Variants in PTPN20 observed in about 807,000 individuals in gnomAD.
The protein encoded by PTPN20 is protein tyrosine phosphatase non-receptor type 20, also known as tyrosine-protein phosphatase non-receptor type 20.
PTPN20 carries 9 observed loss-of-function variants against 35.0 expected under a neutral mutation model. The ratio of observed to expected loss-of-function variants is 0.26; its 90% CI spans 0.15 to 0.45. The LOEUF (loss-of-function observed/expected upper bound fraction) is 0.45, where lower values mean the gene tolerates loss of function less well. PTPN20 is among the 20% of genes least tolerant of loss of function. PTPN20 has a pLI of 1.00. For missense variants in PTPN20, 111 were observed against 312.5 expected (o/e 0.36, Z 4.86); for synonymous variants, 32 against 100.2 (o/e 0.32, Z 4.06).
chr10:46,932,085 T>C (rs2039835307), intron 1 of PTPN20, among the ~76,000 whole-genome samples: 1 of 148,616 alleles, frequency 6.7e-6, no homozygotes, highest in Non-Finnish European at 1.5e-5. Flanking sequence ...TGTGTGTGTG[T>C]GTGTGTGTTT....
rs1440743000 is a variant in PTPN20, at chr10:46,937,266, C to G, written c.35-3357C>G. On this transcript the variant is annotated intron_variant, in intron 2 of 10. Coordinates refer to ENST00000374339, the MANE Select transcript of PTPN20 (RefSeq NM_001042357.5). Reference sequence around the variant, plus strand: ...CTGATGAGAAATCCATCATTCTTATCTTTGTTTTTCTATATTTAATGTGTC... The same window carrying G: ...CTGATGAGAAATCCATCATTCTTATGTTTGTTTTTCTATATTTAATGTGTC... 5.5e-4 allele frequency among the ~76,000 whole-genome samples: 80 copies of G among 146,498 alleles called. 1 individual carries two copies. Among genetic ancestry groups the G allele is most frequent in the Non-Finnish European group, 1.0e-3 (67 of 67,198 alleles).
intron 9 of PTPN20, among the ~76,000 whole-genome samples, chr10:46,994,264 A>G (rs1317762489): frequency 9.5e-6 from 1 of 105,386 alleles, no homozygotes; most frequent in Non-Finnish European, 2.0e-5. Context: ...GAGTTTTATT[A>G]TTTTATGCTT....
chr10:46,998,499 G>A (rs1351011595), intron 9 of PTPN20, among the ~76,000 whole-genome samples: 2 of 152,206 alleles, frequency 1.3e-5, no homozygotes, highest in African/African-American at 4.8e-5. Context: ...GGGTGGATGA[G>A]TGTGACTCTA....
downstream of PTPN20, among the ~76,000 whole-genome samples, chr10:47,003,547 A>C (rs940314748): frequency 7.1e-6 from 1 of 140,108 alleles, no homozygotes; most frequent in African/African-American, 2.5e-5. Context: ...ATCTTTCTCT[A>C]TATCTATTAG....
intron 5 of PTPN20, among the ~76,000 whole-genome samples, chr10:46,947,165 A>G (rs1183617543): frequency 2.1e-5 from 3 of 145,046 alleles, no homozygotes; most frequent in African/African-American, 7.5e-5. Context: ...TATATAATAT[A>G]AATGTAATTA....
At position 46,948,805 on chromosome 10, in the gene PTPN20, C is replaced by A. The variant is rs2045786071; in HGVS notation, c.340+2130C>A. On this transcript the variant is annotated intron_variant, in intron 5 of 10. Transcript: ENST00000374339. ...TTTGTTGTCCTATTCCATTCTCAGC[C>A]TTGGGCAGGTCCTCTGTCCCTGGTC... Among the ~76,000 whole-genome samples the A allele has an allele frequency of 2.0e-5, 3 of 149,696 alleles. No individual in the cohort carries two copies. The East Asian group carries it at 6.1e-4, about 30-fold the overall frequency.
intron 9 of PTPN20, among the ~76,000 whole-genome samples, chr10:46,995,867 T>C (rs1555180819): frequency 6.6e-6 from 1 of 152,162 alleles, no homozygotes; most frequent in Non-Finnish European, 1.5e-5. Flanking sequence ...CCCAATTCTC[T>C]TACTGCCTAC....
chr10:46,937,924 T>C (rs1319569102), intron 2 of PTPN20, among the ~76,000 whole-genome samples: 1 of 141,010 alleles, frequency 7.1e-6, no homozygotes, highest in Non-Finnish European at 1.5e-5. Flanking sequence ...TTCTTTTCTT[T>C]TTTTCTTCTT....
At chr10:46,955,348 A>G (rs1228983679) in intron 5 of PTPN20, 1 of 148,636 alleles carries the variant, frequency 6.7e-6, no homozygotes, top group Non-Finnish European at 1.5e-5. Context: ...TATGAAGTAT[A>G]AAATCATCAT....
At chr10:46,953,247 T>A (rs2047241217) in intron 5 of PTPN20, among the ~76,000 whole-genome samples, 1 of 145,332 alleles carries the variant, frequency 6.9e-6, no homozygotes, top group South Asian at 2.1e-4. Flanking sequence ...TAAATATATT[T>A]TTTGGAATTT....
intron 5 of PTPN20, among the ~76,000 whole-genome samples, chr10:46,964,488 T>C (rs1555158884): frequency 7.8e-6 from 1 of 129,006 alleles, no homozygotes; most frequent in Non-Finnish European, 1.7e-5. Context: ...TTATATTGCA[T>C]AGATCCTCTC....
chr10:46,937,705 A>G (rs1231267513), intron 2 of PTPN20, among the ~76,000 whole-genome samples: 6 of 151,856 alleles, frequency 4.0e-5, no homozygotes, highest in Non-Finnish European at 7.4e-5. Context: ...TTATTGTATC[A>G]TGTTTTTCTT....
chr10:46,982,496 T>C (rs2055722142), intron 7 of PTPN20, among the ~76,000 whole-genome samples: 2 of 152,014 alleles, frequency 1.3e-5, no homozygotes, highest in Admixed American at 1.3e-4. Flanking sequence ...TTAATCATTA[T>C]TGTAGGTTTT....
At chr10:46,952,988 T>G (rs1221172436) in intron 5 of PTPN20, among the ~76,000 whole-genome samples, 1 of 146,208 alleles carries the variant, frequency 6.8e-6, no homozygotes, top group Non-Finnish European at 1.5e-5. Context: ...TTCCTCACTC[T>G]GTTTAGGTCT....
chr10:46,938,203 C>T (rs1328564992), intron 2 of PTPN20, among the ~76,000 whole-genome samples: 53 of 147,388 alleles, frequency 3.6e-4, no homozygotes, highest in Non-Finnish European at 6.1e-4. Flanking sequence ...CCCTCTTCAG[C>T]CTCCCAAAGT....
At chr10:46,993,920 A>G (rs909800211) in intron 9 of PTPN20, among the ~76,000 whole-genome samples, 46 of 152,210 alleles carry the variant, frequency 3.0e-4, no homozygotes, top group Admixed American at 2.7e-3. Context: ...TTGAATGTGT[A>G]TGTGGTTTTT....
chr10:46,938,161 G>A (rs2042360496), intron 2 of PTPN20, among the ~76,000 whole-genome samples: 1 of 150,420 alleles, frequency 6.6e-6, no homozygotes, highest in South Asian at 2.1e-4. Flanking sequence ...ATGTTTGTCA[G>A]GCTGATCTCG....
At chr10:46,968,534 G>T (rs2051380026) in intron 7 of PTPN20, among the ~76,000 whole-genome samples, 1 of 152,186 alleles carries the variant, frequency 6.6e-6, no homozygotes, top group Admixed American at 6.5e-5. Context: ...TCCCTGTGTT[G>T]GATGGGAGGG....
In PTPN20 at chr10:47,001,061, T is replaced by C. The variant is rs984332934; in HGVS notation, c.*320T>C. ...AGCCCAATAAAGGATTTAAAATATATTCATTAAGATTTTATTTGGAAAGGT... is the reference window on the plus strand; with the variant it reads ...AGCCCAATAAAGGATTTAAAATATACTCATTAAGATTTTATTTGGAAAGGT... On this transcript the variant is annotated 3_prime_UTR_variant, in exon 11 of 11. Coordinates refer to ENST00000374339, the MANE Select transcript of PTPN20 (RefSeq NM_001042357.5). 1.7e-5 allele frequency: 6 copies of C among 353,826 alleles called. No individual in the cohort carries two copies. The highest frequency in any genetic ancestry group is 3.1e-5 in the Non-Finnish European group (6 of 192,318). 21.9% of individuals were successfully genotyped at this position (353,826 alleles called of 1,614,324 possible).
Sources: gnomAD v4.1 joint callset for allele counts (sites outside exome capture counted in the v4.1 genomes callset) on GRCh38, gnomAD v4.1.1 for gene constraint, MANE v1.5 for transcripts, NCBI Gene and HGNC (gene_info 2026-07-23, HGNC 2026-07-21) for gene names.